Variants in PTPRT observed in about 807,000 individuals in gnomAD.
The protein encoded by PTPRT is protein tyrosine phosphatase receptor type T, also known as receptor-type tyrosine-protein phosphatase T.
In PTPRT, 56 loss-of-function variants were observed where a neutral mutation model predicts 176.8. That is an observed-to-expected ratio of 0.32 (90% CI 0.26 to 0.40). PTPRT has a LOEUF of 0.40. Among genes scored for constraint, PTPRT ranks in the 10% least tolerant of loss-of-function variants. PTPRT has a pLI of 1.00. For missense variants in PTPRT, 1,540 were observed against 1,908.2 expected (o/e 0.81, Z 3.60); for synonymous variants, 783 against 739.0 (o/e 1.06, Z -0.96).
chr20:42,837,494 T>C (rs2145714594), intron 2 of PTPRT, among the ~76,000 whole-genome samples: 1 of 152,282 alleles, frequency 6.6e-6, no homozygotes, highest in Non-Finnish European at 1.5e-5. Flanking sequence ...TGCCCTGCCA[T>C]CAAAGTGGAG....
intron 6 of PTPRT, among the ~76,000 whole-genome samples, chr20:42,696,382 A>C (rs1415138749): frequency 6.6e-6 from 1 of 150,932 alleles, no homozygotes; most frequent in Non-Finnish European, 1.5e-5. Flanking sequence ...CCATGTCATG[A>C]GTGGTTTCAT....
intron 11 of PTPRT, 26 bp downstream of exon 11, chr20:42,350,602 G>C (rs774769946): frequency 1.9e-6 from 3 of 1,540,294 alleles, no homozygotes; most frequent in Non-Finnish European, 2.7e-6. Context: ...AAAAACTGCA[G>C]ACTCCAAGTG....
At chr20:42,799,440 C>T (rs755410292) in intron 2 of PTPRT, among the ~76,000 whole-genome samples, 9 of 151,946 alleles carry the variant, frequency 5.9e-5, no homozygotes, top group Non-Finnish European at 1.2e-4. Context: ...AAACAGACCC[C>T]GGGACAATGT....
chr20:42,315,281 C>T (rs751947381), intron 12 of PTPRT, among the ~76,000 whole-genome samples: 5 of 149,752 alleles, frequency 3.3e-5, no homozygotes, highest in Non-Finnish European at 5.9e-5. Flanking sequence ...TGAAAAAGGG[C>T]GTATTAATCA....
intron 13 of PTPRT, among the ~76,000 whole-genome samples, chr20:42,252,113 G>C (rs972913930): frequency 6.6e-6 from 1 of 152,198 alleles, no homozygotes; most frequent in Non-Finnish European, 1.5e-5. Flanking sequence ...TGATGGATTG[G>C]ATATGGGGAA....
chr20:42,832,782 G>A (rs2078112513), intron 2 of PTPRT, among the ~76,000 whole-genome samples: 1 of 118,644 alleles, frequency 8.4e-6, no homozygotes, highest in Admixed American at 9.5e-5. Context: ...TAATCCAAAA[G>A]CCAACTAATA....
intron 2 of PTPRT, among the ~76,000 whole-genome samples, chr20:42,792,111 G>A (rs1429229030): frequency 1.3e-5 from 2 of 152,146 alleles, no homozygotes; most frequent in African/African-American, 4.8e-5. Flanking sequence ...GCCCCTTTCA[G>A]CTTGGGATCA....
chr20:43,024,805 C>T (rs540199758), intron 1 of PTPRT, among the ~76,000 whole-genome samples: 3 of 152,318 alleles, frequency 2.0e-5, no homozygotes, highest in African/African-American at 7.2e-5. Context: ...CTCAGGCCAA[C>T]ACATGCTAGG....
At chr20:42,275,843 A>G (rs2057019885) in intron 13 of PTPRT, among the ~76,000 whole-genome samples, 1 of 152,158 alleles carries the variant, frequency 6.6e-6, no homozygotes, top group Non-Finnish European at 1.5e-5. Flanking sequence ...AGAATTTGTT[A>G]CACTCATGTA....
At chr20:42,472,751 T>A (rs1349733106) in intron 7 of PTPRT, among the ~76,000 whole-genome samples, 189 bp from the exon 8 acceptor site, 1 of 152,230 alleles carries the variant, frequency 6.6e-6, no homozygotes, top group Non-Finnish European at 1.5e-5. Flanking sequence ...CTCCCTTGTC[T>A]TATTTAAATA....
At position 43,129,475 on chromosome 20, in the gene PTPRT, T is replaced by C. The variant is rs574458547; in HGVS notation, c.88+60171A>G. ...GCCACACCCTTTCTGAGCCCACAAT[T>C]TTTATACTCTGATGAAAAAAGTGAC... On this transcript the variant is annotated intron_variant, in intron 1 of 30. Coordinates refer to ENST00000373187, the MANE Select transcript of PTPRT (RefSeq NM_007050.6). 1.6e-4 allele frequency among the ~76,000 whole-genome samples: 24 copies of C among 152,140 alleles called. No individual in the cohort carries two copies. In the South Asian group the frequency reaches 5.0e-3, roughly 32 times the overall value.
chr20:42,854,761 T>C (rs924651791), intron 2 of PTPRT, among the ~76,000 whole-genome samples: 1 of 152,252 alleles, frequency 6.6e-6, no homozygotes, highest in African/African-American at 2.4e-5. Flanking sequence ...CAAGCCTGCT[T>C]GCTTCCTCTC....
chr20:42,283,396 T>C (rs1769932256), intron 12 of PTPRT, among the ~76,000 whole-genome samples: 1 of 152,122 alleles, frequency 6.6e-6, no homozygotes, highest in African/African-American at 2.4e-5. Context: ...AATCATCCAA[T>C]TCTTGTCTTG....
intron 7 of PTPRT, among the ~76,000 whole-genome samples, chr20:42,646,562 A>C (rs899991208): frequency 1.3e-5 from 2 of 152,192 alleles, no homozygotes; most frequent in East Asian, 3.9e-4. Flanking sequence ...ATTTAAATTC[A>C]TTAAAATTAA....
chr20:42,881,021 T>C (rs766375346), intron 2 of PTPRT, among the ~76,000 whole-genome samples: 1 of 152,224 alleles, frequency 6.6e-6, no homozygotes, highest in Non-Finnish European at 1.5e-5. Context: ...GTAGAACACC[T>C]GCTGAGCAGC....
At chr20:42,110,857 C>CCTT (rs1212676167) in intron 22 of PTPRT, among the ~76,000 whole-genome samples, 27 of 152,204 alleles carry the variant, frequency 1.8e-4, no homozygotes, top group Non-Finnish European at 7.4e-5. Flanking sequence ...GAAATGTTGG[C>CCTT]CTTAAGGACC....
In PTPRT at chr20:42,102,239, G is replaced by A. The variant is rs1298272808; in HGVS notation, c.3599C>T (p.Pro1200Leu). ...RPEDCSIGLLPRNHDKNRSMD... is the reference protein window; with the variant it reads ...RPEDCSIGLLLRNHDKNRSMD... ...ACTTCGATTCTTATCATGGTTCCGG[G>A]GCAGGAGCCCAATGCTGCAGTCCTC... Residue 1200 changes from proline to leucine, a missense_variant, in exon 26 of 31, where the codon CCC (proline) becomes CTC (leucine). Physicochemically the swap from Pro to Leu is moderately conservative, Grantham distance 98 (BLOSUM62 -3). This residue lies in a region of PTPRT where 342 missense variants were observed against 394.0 expected (regional missense o/e 0.87). Transcript: ENST00000373187. 2 of 1,614,192 alleles carry A rather than the reference G, an allele frequency of 1.2e-6. No individual in the cohort carries two copies. Among genetic ancestry groups the A allele is most frequent in the Admixed American group, 1.7e-5 (1 of 60,022 alleles).
At chr20:42,909,418 G>T (rs1264051717) in intron 1 of PTPRT, among the ~76,000 whole-genome samples, 1 of 152,106 alleles carries the variant, frequency 6.6e-6, no homozygotes, top group African/African-American at 2.4e-5. Flanking sequence ...CGCCAATTGT[G>T]GTTAAAATTA....
intron 7 of PTPRT, among the ~76,000 whole-genome samples, chr20:42,609,354 T>G (rs2073935926): frequency 6.6e-6 from 1 of 152,090 alleles, no homozygotes; most frequent in Non-Finnish European, 1.5e-5. Flanking sequence ...GATTGCAGAC[T>G]TGAGCCACCG....
Sources: gnomAD v4.1 joint callset for allele counts (sites outside exome capture counted in the v4.1 genomes callset) on GRCh38, gnomAD v4.1.1 for gene constraint, gnomAD v4.1.1 regional missense constraint, MANE v1.5 for transcripts, NCBI Gene and HGNC (gene_info 2026-07-23, HGNC 2026-07-21) for gene names.